The following ANKS1B variants were observed in gnomAD, a reference collection of about 807,000 sequenced individuals.
ANKS1B encodes ankyrin repeat and sterile alpha motif domain containing 1B.
In ANKS1B, 36 loss-of-function variants were observed where a neutral mutation model predicts 148.3. That is an observed-to-expected ratio of 0.24 (90% CI 0.19 to 0.32). The LOEUF (loss-of-function observed/expected upper bound fraction) is 0.32, where lower values mean the gene tolerates loss of function less well. Among genes scored for constraint, ANKS1B ranks in the 10% least tolerant of loss-of-function variants. The pLI is 1.00. For missense variants in ANKS1B, 1,157 were observed against 1,542.6 expected (o/e 0.75, Z 4.19); for synonymous variants, 542 against 560.8 (o/e 0.97, Z 0.47).
chr12:99,739,268 T>C (rs1342103200), intron 8 of ANKS1B, among the ~76,000 whole-genome samples: 2 of 145,834 alleles, frequency 1.4e-5, no homozygotes, highest in African/African-American at 2.5e-5. Flanking sequence ...AAAAGAAACT[T>C]CCATTTTAAT....
At chr12:99,615,174 C>CACAGACAG (rs35569353) in intron 9 of ANKS1B, among the ~76,000 whole-genome samples, 3 of 151,518 alleles carry the variant, frequency 2.0e-5, no homozygotes, top group Non-Finnish European at 2.9e-5. Flanking sequence ...AGATAGATTA[C>CACAGACAG]ACAGACAGAC....
chr12:99,950,150 G>A (rs991037995), intron 1 of ANKS1B, among the ~76,000 whole-genome samples: 7 of 125,596 alleles, frequency 5.6e-5, no homozygotes, highest in Non-Finnish European at 7.8e-5. Flanking sequence ...TAGCAGAGAC[G>A]AGCTCTGTCT....
intron 8 of ANKS1B, among the ~76,000 whole-genome samples, chr12:99,683,810 G>A (rs930059573): frequency 6.7e-6 from 1 of 148,976 alleles, no homozygotes; most frequent in African/African-American, 2.4e-5. Flanking sequence ...GGGATGCAGG[G>A]ATGGTTCAAC....
At chr12:99,525,108 G>GTT (rs11408514) in intron 9 of ANKS1B, among the ~76,000 whole-genome samples, 4 of 151,936 alleles carry the variant, frequency 2.6e-5, no homozygotes, top group African/African-American at 9.7e-5. Context: ...CATTTGTGTT[G>GTT]TTTTTTTATG....
At chr12:98,760,850 G>A (rs574312696) in intron 25 of ANKS1B, among the ~76,000 whole-genome samples, 34 of 152,288 alleles carry the variant, frequency 2.2e-4, no homozygotes, top group Non-Finnish European at 4.1e-4. Flanking sequence ...CAGTCAATCC[G>A]CTCTTGTAGC....
In ANKS1B at chr12:98,980,495, C is replaced by T. The variant is rs561183359; in HGVS notation, c.2778+72662G>A. Among the ~76,000 whole-genome samples, 6 of 152,288 alleles carry T rather than the reference C, an allele frequency of 3.9e-5. No individual in the cohort carries two copies. In the East Asian group the frequency reaches 7.7e-4, roughly 20 times the overall value. On this transcript the variant is annotated intron_variant, in intron 17 of 26. Transcript: ENST00000683438. ...TGCTGGGATTACAGGTGTGAGCCAC[C>T]GCGCCCGGCCGCACATAGGTATTTT...
At chr12:98,884,902 C>A (rs1301257630) in intron 17 of ANKS1B, among the ~76,000 whole-genome samples, 1 of 151,660 alleles carries the variant, frequency 6.6e-6, no homozygotes, top group Admixed American at 6.6e-5. Context: ...GACTAGTAGA[C>A]CCAATGATCT....
At chr12:99,646,466 A>G (rs1401211984) in intron 9 of ANKS1B, among the ~76,000 whole-genome samples, 3 of 151,832 alleles carry the variant, frequency 2.0e-5, no homozygotes, top group African/African-American at 4.8e-5. Context: ...GACCAGCCTG[A>G]GCAATATGGT....
intron 9 of ANKS1B, among the ~76,000 whole-genome samples, chr12:99,524,687 G>T (rs1403253209): frequency 4.6e-5 from 7 of 152,116 alleles, no homozygotes; most frequent in Admixed American, 1.3e-4. Context: ...TGCTGGGGAG[G>T]CCTCACAATC....
At chr12:99,708,995 A>G (rs1395222832) in intron 8 of ANKS1B, among the ~76,000 whole-genome samples, 3 of 152,184 alleles carry the variant, frequency 2.0e-5, no homozygotes, top group Non-Finnish European at 4.4e-5. Context: ...ATTGAAAATC[A>G]ATAGTATTTT....
intron 12 of ANKS1B, among the ~76,000 whole-genome samples, chr12:99,359,988 A>T (rs2092345669): frequency 6.6e-6 from 1 of 152,152 alleles, no homozygotes; most frequent in African/African-American, 2.4e-5. Context: ...GCTCAGTTTA[A>T]ACAGTCAATT....
chr12:99,805,089 A>T (rs2067422083), intron 4 of ANKS1B, among the ~76,000 whole-genome samples: 1 of 151,996 alleles, frequency 6.6e-6, no homozygotes, highest in African/African-American at 2.4e-5. Context: ...ATTATGAGCT[A>T]AATAAAGAGT....
chr12:99,882,524 T>C (rs1171541709), intron 1 of ANKS1B, among the ~76,000 whole-genome samples: 1 of 152,140 alleles, frequency 6.6e-6, no homozygotes, highest in East Asian at 1.9e-4. Context: ...AGAAAAATGA[T>C]GCATTACTTA....
At position 99,246,433 on chromosome 12, in the gene ANKS1B, G is replaced by C; in HGVS notation, c.2188C>G (p.His730Asp). 1.2e-6 allele frequency: 2 copies of C among 1,613,846 alleles called. No individual in the cohort carries two copies. The highest frequency in any genetic ancestry group is 1.7e-6 in the Non-Finnish European group (2 of 1,179,868). Residue 730 changes from histidine (H) to aspartate (D), a missense_variant, in exon 13 of 27, where the codon CAT (histidine) becomes GAT (aspartate). This residue lies in a region of ANKS1B where 661 missense variants were observed against 642.1 expected (regional missense o/e 1.03). Transcript: ENST00000683438. Reference protein sequence around the residue: ...RSLPKALIDMHLSKSVSKSDS... With the variant: ...RSLPKALIDMDLSKSVSKSDS... Reference sequence around the variant, plus strand: ...GATTTAGAGACACTTTTTGACAAATGCATGTCGATCAAGGCTTTAGGCAAT... The same window carrying C: ...GATTTAGAGACACTTTTTGACAAATCCATGTCGATCAAGGCTTTAGGCAAT...
intron 14 of ANKS1B, among the ~76,000 whole-genome samples, chr12:99,163,502 TG>T (rs1378422995): frequency 7.7e-6 from 1 of 129,860 alleles, no homozygotes; most frequent in African/African-American, 3.2e-5. Flanking sequence ...TGTGTGTGTG[TG>T]TTTAGTTCTG....
intron 10 of ANKS1B, among the ~76,000 whole-genome samples, chr12:99,457,634 T>C (rs1439595663): frequency 3.3e-5 from 5 of 152,106 alleles, no homozygotes; most frequent in Admixed American, 2.0e-4. Context: ...GCTGTTCTTA[T>C]ATTAGACAAA....
intron 10 of ANKS1B, among the ~76,000 whole-genome samples, chr12:99,484,764 G>GTGTTTT (rs1379667187): frequency 3.5e-4 from 22 of 63,736 alleles, no homozygotes; most frequent in African/African-American, 1.6e-3. Context: ...GTGTGTGTGT[G>GTGTTTT]TTTTTTTTTT....
At chr12:99,365,204 C>T (rs118075983) in intron 12 of ANKS1B, among the ~76,000 whole-genome samples, 2 of 152,116 alleles carry the variant, frequency 1.3e-5, no homozygotes, top group African/African-American at 4.8e-5. Context: ...CAAGGGCTGC[C>T]CACATGGGCA....
intron 8 of ANKS1B, among the ~76,000 whole-genome samples, chr12:99,752,725 C>G (rs1567779731): frequency 6.6e-6 from 1 of 151,840 alleles, no homozygotes; most frequent in East Asian, 1.9e-4. Flanking sequence ...ACTTATAATT[C>G]TGATAGTTTC....
Sources: allele counts gnomAD v4.1 joint callset (sites outside exome capture counted in the v4.1 genomes callset), GRCh38; gene constraint gnomAD v4.1.1; regional missense constraint gnomAD v4.1.1; transcripts MANE v1.5; gene names NCBI Gene and HGNC (gene_info 2026-07-23, HGNC 2026-07-21).